Variants in MDGA2 observed in about 807,000 individuals in gnomAD.
MDGA2 encodes MAM domain-containing glycosylphosphatidylinositol anchor protein 2.
A neutral mutation model predicts 117.8 loss-of-function variants in MDGA2; 40 were observed. That is an observed-to-expected ratio of 0.34 (90% CI 0.26 to 0.44). The LOEUF (loss-of-function observed/expected upper bound fraction) is 0.44. Ranked by LOEUF, MDGA2 falls within the 20% of genes least tolerant of loss-of-function variation. MDGA2 has a pLI of 1.00. For synonymous variants in MDGA2, 452 were observed against 439.0 expected (o/e 1.03, Z -0.37); for missense variants, 1,123 against 1,250.6 (o/e 0.90, Z 1.54).
At chr14:47,362,136 G>A (rs1302214952) in intron 1 of MDGA2, among the ~76,000 whole-genome samples, 1 of 152,042 alleles carries the variant, frequency 6.6e-6, no homozygotes, top group Non-Finnish European at 1.5e-5. Context: ...ATCCCAAGTG[G>A]CCTTGGATTT....
At chr14:47,488,592 AATGG>A (rs1029829901) in intron 1 of MDGA2, among the ~76,000 whole-genome samples, 4 of 152,154 alleles carry the variant, frequency 2.6e-5, no homozygotes, top group Non-Finnish European at 5.9e-5. Flanking sequence ...ATAAGCAAGG[AATGG>A]ATGAAGAAAC....
intron 14 of MDGA2, among the ~76,000 whole-genome samples, chr14:46,865,581 G>A (rs1881721239): frequency 6.6e-6 from 1 of 151,888 alleles, no homozygotes; most frequent in South Asian, 2.1e-4. Flanking sequence ...TATTCAATTA[G>A]GAAAAGAGGA....
chr14:47,004,376 C>G (rs1317171331), intron 8 of MDGA2, among the ~76,000 whole-genome samples: 1 of 151,690 alleles, frequency 6.6e-6, no homozygotes, highest in Non-Finnish European at 1.5e-5. Context: ...TTTGTAATAA[C>G]CATATATATC....
At chr14:47,119,817 T>G (rs1330193899) in intron 5 of MDGA2, among the ~76,000 whole-genome samples, 1 of 152,222 alleles carries the variant, frequency 6.6e-6, no homozygotes, top group Non-Finnish European at 1.5e-5. Context: ...CCATATTACC[T>G]GCTTTCTTTT....
At chr14:47,471,445 C>T (rs1443820836) in intron 1 of MDGA2, among the ~76,000 whole-genome samples, 1 of 152,038 alleles carries the variant, frequency 6.6e-6, no homozygotes, top group Non-Finnish European at 1.5e-5. Flanking sequence ...GAAGAAAAAT[C>T]ATTATATGAA....
intron 8 of MDGA2, among the ~76,000 whole-genome samples, chr14:46,964,919 C>CTTTTTTTTTTTTTTTTTTTTT (rs746778179): frequency 1.1e-5 from 1 of 89,814 alleles, no homozygotes; most frequent in Non-Finnish European, 2.0e-5. Context: ...TATATATTTA[C>CTTTTTTTTTTTTTTTTTTTTT]TTTTTTTTTT....
intron 1 of MDGA2, among the ~76,000 whole-genome samples, chr14:47,447,640 G>GTCCTAGC (rs1893152119): frequency 6.6e-6 from 1 of 152,144 alleles, no homozygotes; most frequent in East Asian, 1.9e-4. Flanking sequence ...CCGGACAGCA[G>GTCCTAGC]TCCTAGCAAA....
At chr14:47,325,687 T>C (rs1016385897) in intron 1 of MDGA2, among the ~76,000 whole-genome samples, 5 of 152,114 alleles carry the variant, frequency 3.3e-5, no homozygotes, top group Non-Finnish European at 2.9e-5. Context: ...AGGAGAGAAG[T>C]ATATATGCCA....
At chr14:47,671,397 T>A (rs536267317) in intron 1 of MDGA2, among the ~76,000 whole-genome samples, 38 of 152,272 alleles carry the variant, frequency 2.5e-4, no homozygotes, top group African/African-American at 8.9e-4. Flanking sequence ...AAAAACAGAA[T>A]CTGAATTTCA....
At chr14:47,356,624 T>A (rs1260921681) in intron 1 of MDGA2, among the ~76,000 whole-genome samples, 1 of 152,158 alleles carries the variant, frequency 6.6e-6, no homozygotes, top group Non-Finnish European at 1.5e-5. Context: ...TATCTCAGCA[T>A]AAAGGGGCCC....
At chr14:47,423,278 CTAAG>C (rs1476508630) in intron 1 of MDGA2, among the ~76,000 whole-genome samples, 2 of 152,110 alleles carry the variant, frequency 1.3e-5, no homozygotes, top group Admixed American at 6.6e-5. Context: ...TTTTAAATTC[CTAAG>C]TAATTCACTT....
intron 1 of MDGA2, among the ~76,000 whole-genome samples, chr14:47,503,333 G>T (rs900380861): frequency 1.3e-5 from 2 of 150,598 alleles, no homozygotes; most frequent in Admixed American, 6.6e-5. Context: ...GCATATTTAG[G>T]TGGCTTAGTA....
chr14:47,631,229 C>T (rs1162094245), intron 1 of MDGA2, among the ~76,000 whole-genome samples: 7 of 152,074 alleles, frequency 4.6e-5, no homozygotes, highest in South Asian at 2.1e-4. Flanking sequence ...TCTTCTACTC[C>T]CATCAGTGTA....
rs551989830 is a variant in MDGA2 at position 46,939,184 on chromosome 14, T to C, written c.2089+18190A>G. 2.6e-5 allele frequency among the ~76,000 whole-genome samples: 4 copies of C among 152,262 alleles called. No homozygotes were observed. The South Asian group carries it at 6.2e-4, about 24-fold the overall frequency. On this transcript the variant is annotated intron_variant, in intron 9 of 16. Transcript: ENST00000399232. ...CAAAATTACAGATAGGAGGGATAAATTGTAGTGTTCTATAGCACTGTAGGA... is the reference window on the plus strand; with the variant it reads ...CAAAATTACAGATAGGAGGGATAAACTGTAGTGTTCTATAGCACTGTAGGA...
intron 1 of MDGA2, among the ~76,000 whole-genome samples, chr14:47,560,996 T>C (rs7159550): frequency 0.026 from 3,896 of 152,244 alleles, 76 homozygotes; most frequent in Middle Eastern, 0.095. Flanking sequence ...GAAGATTTGA[T>C]GGTTATAGGT....
intron 1 of MDGA2, among the ~76,000 whole-genome samples, chr14:47,383,983 TGATA>T (rs11439713): frequency 1.1e-4 from 16 of 141,782 alleles, no homozygotes; most frequent in African/African-American, 2.6e-4. Flanking sequence ...AATAGATAGA[TGATA>T]GATAGATAGA....
At chr14:47,483,725 C>A (rs578164066) in intron 1 of MDGA2, among the ~76,000 whole-genome samples, 2 of 152,168 alleles carry the variant, frequency 1.3e-5, no homozygotes, top group Non-Finnish European at 2.9e-5. Flanking sequence ...CCCACAAGTA[C>A]TCCTCTCTAC....
intron 8 of MDGA2, among the ~76,000 whole-genome samples, chr14:46,982,883 C>A (rs1886734750): frequency 6.6e-6 from 1 of 151,918 alleles, no homozygotes; most frequent in Non-Finnish European, 1.5e-5. Flanking sequence ...GTGTCTTGTG[C>A]CAGTTTTCAA....
intron 1 of MDGA2, among the ~76,000 whole-genome samples, chr14:47,655,045 T>C (rs1445509244): frequency 2.6e-5 from 4 of 152,114 alleles, no homozygotes. Flanking sequence ...GTACCACTTT[T>C]AAAGATCTAA....
Sources: gnomAD v4.1 joint callset for allele counts (sites outside exome capture counted in the v4.1 genomes callset) on GRCh38, gnomAD v4.1.1 for gene constraint, MANE v1.5 for transcripts, NCBI Gene and HGNC (gene_info 2026-07-23, HGNC 2026-07-21) for gene names.